The following BABAM2 variants were observed in gnomAD, a reference collection of about 807,000 sequenced individuals.
BABAM2 encodes BRISC and BRCA1-A complex member 2.
In BABAM2, 31 loss-of-function variants were observed where a neutral mutation model predicts 54.7. The observed-to-expected ratio is 0.57, with a 90% CI of 0.43 to 0.77. The LOEUF (loss-of-function observed/expected upper bound fraction) is 0.77, where lower values mean the gene tolerates loss of function less well. BABAM2 is among the 30% of genes least tolerant of loss of function. The pLI, the probability that BABAM2 is intolerant of heterozygous loss-of-function variation, is 0.00. For synonymous variants in BABAM2, 167 were observed against 162.9 expected (o/e 1.03, Z -0.19); for missense variants, 364 against 455.8 (o/e 0.80, Z 1.83).
chr2:28,066,639 A>G (rs752407813), intron 6 of BABAM2, among the ~76,000 whole-genome samples: 3 of 152,184 alleles, frequency 2.0e-5, no homozygotes, highest in South Asian at 2.1e-4. Context: ...TGCACTTCCA[A>G]GATGGTTCAC....
At chr2:27,942,336 G>T (rs757017004) in intron 3 of BABAM2, among the ~76,000 whole-genome samples, 4 of 151,972 alleles carry the variant, frequency 2.6e-5, no homozygotes, top group Non-Finnish European at 5.9e-5. Flanking sequence ...TCTTTGCTTT[G>T]TTATACCGTG....
At chr2:28,095,765 G>A (rs773819529) in intron 6 of BABAM2, among the ~76,000 whole-genome samples, 10 of 152,166 alleles carry the variant, frequency 6.6e-5, no homozygotes, top group Non-Finnish European at 1.5e-4. Flanking sequence ...AACAAAGGAC[G>A]TAATAATTCC....
intron 11 of BABAM2, among the ~76,000 whole-genome samples, chr2:28,330,584 T>G (rs1572431662): frequency 6.6e-6 from 1 of 152,146 alleles, no homozygotes; most frequent in Admixed American, 6.5e-5. Context: ...CATTCACAGT[T>G]GCTACAAAGA....
At chr2:27,925,684 A>G (rs978361391) in intron 2 of BABAM2, among the ~76,000 whole-genome samples, 6 of 152,072 alleles carry the variant, frequency 3.9e-5, no homozygotes, top group Non-Finnish European at 5.9e-5. Context: ...AGAGCTCCTC[A>G]TCCCATTCCA....
chr2:28,001,864 C>G (rs1363180504), intron 4 of BABAM2, among the ~76,000 whole-genome samples: 1 of 152,064 alleles, frequency 6.6e-6, no homozygotes, highest in Non-Finnish European at 1.5e-5. Context: ...AAACACCTCC[C>G]ACCAGGCCCC....
At chr2:28,306,063 A>T (rs1167875359) in intron 11 of BABAM2, among the ~76,000 whole-genome samples, 1 of 152,156 alleles carries the variant, frequency 6.6e-6, no homozygotes, top group Non-Finnish European at 1.5e-5. Flanking sequence ...GATTTATATT[A>T]ATTCGGTTTT....
rs542729978 is a variant in BABAM2 at position 28,213,685 on chromosome 2, A to G, written c.681-23517A>G. ...TATATTATAGGATTAAAAAATAGTA[A>G]TAGATATGGAACATCAGAATTAAAA... is the stretch of plus-strand genomic sequence containing the variant. On this transcript the variant is annotated intron_variant, in intron 7 of 11. Transcript: ENST00000379624. 3.9e-5 allele frequency among the ~76,000 whole-genome samples: 6 copies of G among 152,250 alleles called. No homozygotes were observed. The East Asian group carries it at 7.7e-4, about 20-fold the overall frequency.
At chr2:28,095,613 A>G (rs567512141) in intron 6 of BABAM2, among the ~76,000 whole-genome samples, 1 of 152,368 alleles carries the variant, frequency 6.6e-6, no homozygotes, top group African/African-American at 2.4e-5. Context: ...AAATAAATGT[A>G]GGATATGGAG....
chr2:28,024,139 T>C (rs1272371369), intron 4 of BABAM2, among the ~76,000 whole-genome samples: 2 of 152,136 alleles, frequency 1.3e-5, no homozygotes, highest in Non-Finnish European at 2.9e-5. Context: ...GCACGGTGGC[T>C]CACGCCTCTA....
chr2:28,302,035 T>G (rs1688147847), intron 11 of BABAM2, among the ~76,000 whole-genome samples: 1 of 152,214 alleles, frequency 6.6e-6, no homozygotes. Context: ...TTTTAGATAC[T>G]TCTAAATGAA....
rs572864390 is a variant in BABAM2, at chr2:28,241,103, G to A, written c.781-220G>A. Among the ~76,000 whole-genome samples the A allele has an allele frequency of 1.5e-4, 23 of 152,210 alleles. 1 individual carries two copies. The South Asian group carries it at 4.8e-3, about 32-fold the overall frequency. On this transcript the variant is annotated intron_variant, in intron 8 of 11. Coordinates refer to ENST00000379624, the MANE Select transcript of BABAM2 (RefSeq NM_199191.3). Reference sequence around the variant, plus strand: ...ATATTTAAGAGTGAACTGTCATGATGTCTCTCATTTCCTTTGAAGTGTTGA... The same window carrying A: ...ATATTTAAGAGTGAACTGTCATGATATCTCTCATTTCCTTTGAAGTGTTGA...
intron 7 of BABAM2, among the ~76,000 whole-genome samples, chr2:28,171,015 G>A (rs1038394916): frequency 3.3e-5 from 5 of 152,100 alleles, no homozygotes; most frequent in Admixed American, 1.3e-4. Context: ...TTATGTATGC[G>A]TGTCCTTCTA....
At chr2:27,953,639 C>T (rs1669901401) in intron 3 of BABAM2, among the ~76,000 whole-genome samples, 1 of 149,910 alleles carries the variant, frequency 6.7e-6, no homozygotes, top group Non-Finnish European at 1.5e-5. Flanking sequence ...TACCAACGAT[C>T]TCACCAAAAA....
intron 5 of BABAM2, 60 bp downstream of exon 5, chr2:28,025,480 A>G (rs760902353): frequency 1.4e-6 from 2 of 1,420,136 alleles, no homozygotes; most frequent in South Asian, 1.5e-5. Flanking sequence ...TAATCAATTC[A>G]TATGTCCATT....
At chr2:28,018,355 C>T (rs369172211) in intron 4 of BABAM2, among the ~76,000 whole-genome samples, 2 of 152,170 alleles carry the variant, frequency 1.3e-5, no homozygotes, top group African/African-American at 4.8e-5. Context: ...CTTTTTATGG[C>T]TGAGTAGTAT....
intron 7 of BABAM2, among the ~76,000 whole-genome samples, chr2:28,170,626 A>C (rs1674218165): frequency 6.6e-6 from 1 of 152,124 alleles, no homozygotes; most frequent in South Asian, 2.1e-4. Flanking sequence ...TGTTTGATTG[A>C]TAGTATCACA....
chr2:28,082,796 C>T (rs13415164), intron 6 of BABAM2, among the ~76,000 whole-genome samples: 47,695 of 152,058 alleles, frequency 0.31, 7,879 homozygotes, highest in South Asian at 0.52. Flanking sequence ...AGTAATTTTT[C>T]TGCTGCCTCT....
At chr2:28,300,449 A>G (rs1452460157) in intron 11 of BABAM2, among the ~76,000 whole-genome samples, 1 of 152,268 alleles carries the variant, frequency 6.6e-6, no homozygotes, top group African/African-American at 2.4e-5. Context: ...ATTAAGACTT[A>G]CACATCCTGA....
intron 7 of BABAM2, among the ~76,000 whole-genome samples, chr2:28,140,475 C>T (rs62142462): frequency 0.22 from 33,305 of 152,024 alleles, 4,646 homozygotes; most frequent in Middle Eastern, 0.33. Flanking sequence ...GAATATACAA[C>T]TCTACATATT....
Sources: gnomAD v4.1 joint callset for allele counts (sites outside exome capture counted in the v4.1 genomes callset) on GRCh38, gnomAD v4.1.1 for gene constraint, MANE v1.5 for transcripts, NCBI Gene and HGNC (gene_info 2026-07-23, HGNC 2026-07-21) for gene names.